KCNT2: variants seen among roughly 807,000 people sequenced by gnomAD.
KCNT2 encodes potassium sodium-activated channel subfamily T member 2.
Under a neutral mutation model 153.8 loss-of-function variants are expected in KCNT2, and 67 were observed. The ratio of observed to expected loss-of-function variants is 0.44; its 90% CI spans 0.36 to 0.53. KCNT2 has a LOEUF of 0.53. Among genes scored for constraint, KCNT2 ranks in the 20% least tolerant of loss-of-function variants. KCNT2 has a pLI of 0.00. For synonymous variants in KCNT2, 500 were observed against 458.8 expected, an observed-to-expected ratio of 1.09 and a Z score of -1.15; for missense variants, 975 against 1,354.8, an observed-to-expected ratio of 0.72 and a Z score of 4.40.
At chr1:196,568,695 GTGTGGCGC>G (rs1454903021) in intron 1 of KCNT2, among the ~76,000 whole-genome samples, 1 of 151,712 alleles carries the variant, frequency 6.6e-6, no homozygotes, top group Non-Finnish European at 1.5e-5. Context: ...ACCTCCTGCT[GTGTGGCGC>G]TGTTCCTAAC....
At chr1:196,515,933 T>A (rs925010799) in intron 1 of KCNT2, among the ~76,000 whole-genome samples, 1 of 152,016 alleles carries the variant, frequency 6.6e-6, no homozygotes, top group African/African-American at 2.4e-5. Flanking sequence ...GATCAGGAGA[T>A]CCCCTGGTGA....
At chr1:196,418,605 A>G (rs1448832669) in intron 12 of KCNT2, among the ~76,000 whole-genome samples, 1 of 151,996 alleles carries the variant, frequency 6.6e-6, no homozygotes. Context: ...GGCCTGTGAC[A>G]TTGGCCTCTT....
chr1:196,286,895 C>T (rs1659722366), intron 22 of KCNT2, among the ~76,000 whole-genome samples: 1 of 152,026 alleles, frequency 6.6e-6, no homozygotes, highest in Non-Finnish European at 1.5e-5. Context: ...ATTCCCTTTA[C>T]TAGGAAGACT....
intron 14 of KCNT2, among the ~76,000 whole-genome samples, chr1:196,346,171 C>T (rs574454492): frequency 6.6e-6 from 1 of 152,072 alleles, no homozygotes; most frequent in South Asian, 2.1e-4. Flanking sequence ...ATGATTGGTA[C>T]CAATAATTAA....
chr1:196,264,673 C>A (rs1280934569), intron 25 of KCNT2, among the ~76,000 whole-genome samples: 3 of 151,984 alleles, frequency 2.0e-5, no homozygotes, highest in African/African-American at 7.2e-5. Context: ...TGCTCTGTTG[C>A]CTAGGCTGGA....
rs114599152 is a variant in KCNT2 at position 196,301,410 on chromosome 1, C to T, written c.2595+3824G>A. ...CTGCCTTTTGTGAGTTTCAGCAAAC[C>T]TCTGGAGGGCAAAGGGAAAATTTTA... is the stretch of plus-strand genomic sequence containing the variant. On this transcript the variant is annotated intron_variant, in intron 22 of 27. Transcript: ENST00000294725. Among the ~76,000 whole-genome samples, 696 of 152,242 alleles carry T rather than the reference C, an allele frequency of 4.6e-3. 4 individuals carry two copies. Among genetic ancestry groups the T allele is most frequent in the African/African-American group, 0.015 (630 of 41,538 alleles).
intron 1 of KCNT2, among the ~76,000 whole-genome samples, chr1:196,593,308 A>ATG (rs1396835425): frequency 7.8e-6 from 1 of 128,688 alleles, no homozygotes; most frequent in Non-Finnish European, 1.6e-5. Context: ...ATATATATAT[A>ATG]TATACACACA....
At chr1:196,264,564 G>A (rs184082048) in intron 25 of KCNT2, among the ~76,000 whole-genome samples, 1 of 152,026 alleles carries the variant, frequency 6.6e-6, no homozygotes, top group African/African-American at 2.4e-5. Flanking sequence ...TGGGGAAGCT[G>A]GTAAGTCCCA....
intron 13 of KCNT2, among the ~76,000 whole-genome samples, chr1:196,384,767 A>C (rs1669819019): frequency 6.6e-6 from 1 of 151,922 alleles, no homozygotes; most frequent in Non-Finnish European, 1.5e-5. Flanking sequence ...ACTCTGGACA[A>C]AATTATTTAA....
chr1:196,408,424 C>T (rs1672012516), intron 12 of KCNT2, among the ~76,000 whole-genome samples: 1 of 151,508 alleles, frequency 6.6e-6, no homozygotes, highest in Non-Finnish European at 1.5e-5. Context: ...AAACATTACC[C>T]ATCAGTTACT....
chr1:196,582,001 A>G (rs1370163441), intron 1 of KCNT2, among the ~76,000 whole-genome samples: 1 of 152,126 alleles, frequency 6.6e-6, no homozygotes, highest in Non-Finnish European at 1.5e-5. Context: ...CTTCAGGTAG[A>G]CTTTAAAAAG....
chr1:196,389,661 C>A (rs1366184200), intron 13 of KCNT2, among the ~76,000 whole-genome samples: 2 of 151,626 alleles, frequency 1.3e-5, no homozygotes, highest in African/African-American at 4.8e-5. Context: ...ATCTTCACTG[C>A]AGACTGGTGA....
intron 8 of KCNT2, among the ~76,000 whole-genome samples, chr1:196,449,897 T>C (rs1206539416): frequency 6.6e-6 from 1 of 151,720 alleles, no homozygotes; most frequent in Non-Finnish European, 1.5e-5. Flanking sequence ...AGCATAAGTT[T>C]GGTTGCTTGA....
intron 1 of KCNT2, among the ~76,000 whole-genome samples, chr1:196,548,755 C>T (rs1043148214): frequency 6.6e-6 from 1 of 152,054 alleles, no homozygotes; most frequent in Non-Finnish European, 1.5e-5. Flanking sequence ...GGAACCAACC[C>T]AAATGTCCAA....
chr1:196,415,458 A>G (rs541847274), intron 12 of KCNT2, among the ~76,000 whole-genome samples: 1 of 151,844 alleles, frequency 6.6e-6, no homozygotes, highest in East Asian at 1.9e-4. Context: ...GCTATTTAGC[A>G]TAATGCATAA....
intron 25 of KCNT2, among the ~76,000 whole-genome samples, chr1:196,259,181 T>C (rs1656781590): frequency 6.6e-6 from 1 of 152,134 alleles, no homozygotes; most frequent in South Asian, 2.1e-4. Flanking sequence ...TTCACAAATA[T>C]ACTGTAGAAT....
intron 22 of KCNT2, among the ~76,000 whole-genome samples, chr1:196,289,456 C>T (rs1287388595): frequency 1.3e-5 from 2 of 152,212 alleles, no homozygotes; most frequent in East Asian, 1.9e-4. Flanking sequence ...CAATGCCTGG[C>T]ACACAGTCAG....
At chr1:196,290,557 T>C (rs949740510) in intron 22 of KCNT2, among the ~76,000 whole-genome samples, 2 of 151,658 alleles carry the variant, frequency 1.3e-5, no homozygotes, top group Non-Finnish European at 2.9e-5. Flanking sequence ...TGTGTGTATA[T>C]GTATAGGTGT....
intron 1 of KCNT2, among the ~76,000 whole-genome samples, chr1:196,524,046 T>C (rs1653848970): frequency 6.6e-6 from 1 of 152,186 alleles, no homozygotes; most frequent in African/African-American, 2.4e-5. Context: ...CTGTTAAGTA[T>C]ACCTTTCCCA....
Sources: gnomAD v4.1 joint callset for allele counts (sites outside exome capture counted in the v4.1 genomes callset) on GRCh38, gnomAD v4.1.1 for gene constraint, MANE v1.5 for transcripts, NCBI Gene and HGNC (gene_info 2026-07-23, HGNC 2026-07-21) for gene names.